The following WWOX variants were observed in gnomAD, a reference collection of about 807,000 sequenced individuals.
The protein encoded by WWOX is WW domain containing oxidoreductase, also known as WW domain-containing oxidoreductase.
Under a neutral mutation model 46.2 loss-of-function variants are expected in WWOX, and 69 were observed. The ratio of observed to expected loss-of-function variants is 1.49; its 90% CI spans 1.23 to 1.82. WWOX has a LOEUF of 1.82. WWOX is among the 40% of genes most tolerant of loss of function. WWOX has a pLI of 0.00. For missense variants in WWOX, 919 were observed against 542.6 expected, an observed-to-expected ratio of 1.69 and a Z score of -6.89; for synonymous variants, 359 against 202.6, an observed-to-expected ratio of 1.77 and a Z score of -6.56.
At chr16:78,450,772 G>A (rs1172550565) in intron 8 of WWOX, among the ~76,000 whole-genome samples, 3 of 152,142 alleles carry the variant, frequency 2.0e-5, no homozygotes, top group African/African-American at 7.2e-5. Flanking sequence ...AGCAAGTAAT[G>A]AAATTACCAT....
intron 8 of WWOX, among the ~76,000 whole-genome samples, chr16:78,600,622 C>A (rs1024469892): frequency 7.7e-4 from 117 of 152,214 alleles, no homozygotes; most frequent in African/African-American, 2.7e-3. Flanking sequence ...GCACAGCTAC[C>A]CTGTGGCATG....
intron 8 of WWOX, among the ~76,000 whole-genome samples, chr16:79,049,218 A>C (rs1008879150): frequency 6.6e-6 from 1 of 152,180 alleles, no homozygotes; most frequent in Non-Finnish European, 1.5e-5. Flanking sequence ...TTACATAATG[A>C]GTGGCTGTGG....
intron 8 of WWOX, among the ~76,000 whole-genome samples, chr16:78,710,338 T>C (rs561629477): frequency 2.6e-5 from 4 of 151,488 alleles, no homozygotes; most frequent in African/African-American, 7.3e-5. Context: ...CAGCTGCTTC[T>C]AGCCGCTCCA....
intron 8 of WWOX, among the ~76,000 whole-genome samples, chr16:78,678,785 T>C (rs1567484519): frequency 6.6e-6 from 1 of 152,132 alleles, no homozygotes; most frequent in Non-Finnish European, 1.5e-5. Flanking sequence ...GTGCGTGGCC[T>C]GGGGTTAAGT....
intron 8 of WWOX, among the ~76,000 whole-genome samples, chr16:78,762,311 G>C (rs895991839): frequency 6.6e-6 from 1 of 152,176 alleles, no homozygotes; most frequent in African/African-American, 2.4e-5. Context: ...AGCATCTGCT[G>C]AGAGCTTGCT....
intron 8 of WWOX, among the ~76,000 whole-genome samples, chr16:78,888,635 G>A (rs1213375362): frequency 1.3e-5 from 2 of 152,106 alleles, no homozygotes; most frequent in Admixed American, 1.3e-4. Flanking sequence ...GACCGAGCCA[G>A]AACTTATTTT....
intron 8 of WWOX, among the ~76,000 whole-genome samples, chr16:78,458,397 A>T (rs950664376): frequency 6.6e-6 from 1 of 151,612 alleles, no homozygotes; most frequent in Non-Finnish European, 1.5e-5. Context: ...AGTAGCTGGG[A>T]CTATTGGCAA....
intron 7 of WWOX, among the ~76,000 whole-genome samples, chr16:78,426,919 C>T (rs2083092864): frequency 6.6e-6 from 1 of 152,206 alleles, no homozygotes; most frequent in Non-Finnish European, 1.5e-5. Context: ...GCCTTGGCTT[C>T]TCACAGTGCT....
At chr16:78,656,571 G>C (rs149778967) in intron 8 of WWOX, among the ~76,000 whole-genome samples, 1 of 152,180 alleles carries the variant, frequency 6.6e-6, no homozygotes, top group Non-Finnish European at 1.5e-5. Flanking sequence ...ACCAGATCTG[G>C]TGAGAACTCA....
chr16:78,300,819 A>G (rs2080026906), intron 5 of WWOX, among the ~76,000 whole-genome samples: 1 of 152,140 alleles, frequency 6.6e-6, no homozygotes, highest in Admixed American at 6.6e-5. Context: ...CCTTTATACC[A>G]GCATATAACT....
intron 8 of WWOX, among the ~76,000 whole-genome samples, chr16:78,954,247 T>A (rs1405736759): frequency 6.6e-6 from 1 of 151,946 alleles, no homozygotes; most frequent in African/African-American, 2.4e-5. Context: ...ATTGGATGGA[T>A]GATGGTTGAG....
intron 5 of WWOX, among the ~76,000 whole-genome samples, chr16:78,220,585 C>T (rs1024715091): frequency 6.6e-6 from 1 of 152,076 alleles, no homozygotes; most frequent in East Asian, 1.9e-4. Context: ...TGGGTATTAA[C>T]CTTTAACATA....
intron 5 of WWOX, among the ~76,000 whole-genome samples, chr16:78,363,182 C>T (rs75182427): frequency 0.018 from 2,709 of 151,940 alleles, 70 homozygotes; most frequent in East Asian, 0.059. Context: ...GTGTGTTCAC[C>T]GTGCTGTGTG....
intron 5 of WWOX, chr16:78,166,628 G>C (rs2034984176): frequency 6.6e-6 from 1 of 150,932 alleles, no homozygotes; most frequent in South Asian, 2.1e-4. Flanking sequence ...GCACAATCTC[G>C]ACTCACTGCA....
chr16:79,111,894 G>A (rs2049423928), intron 8 of WWOX, among the ~76,000 whole-genome samples: 1 of 152,138 alleles, frequency 6.6e-6, no homozygotes, highest in Admixed American at 6.5e-5. Flanking sequence ...CTCAAGCTTT[G>A]AGGGTAATAA....
intron 8 of WWOX, among the ~76,000 whole-genome samples, chr16:78,940,172 C>T (rs754784598): frequency 4.6e-5 from 7 of 152,074 alleles, no homozygotes; most frequent in Non-Finnish European, 8.8e-5. Flanking sequence ...TATGCAGATT[C>T]TTAAAGCATG....
chr16:79,007,331 A>G (rs181782786), intron 8 of WWOX, among the ~76,000 whole-genome samples: 6 of 152,346 alleles, frequency 3.9e-5, no homozygotes, highest in Admixed American at 3.3e-4. Context: ...AAACATGAGG[A>G]AAGGGCTCAT....
At chr16:78,815,361 A>G (rs1461902696) in intron 8 of WWOX, among the ~76,000 whole-genome samples, 1 of 151,972 alleles carries the variant, frequency 6.6e-6, no homozygotes, top group Non-Finnish European at 1.5e-5. Context: ...CATACATTTT[A>G]GCTGACAAGG....
chr16:79,006,839 C>T (rs542317603), intron 8 of WWOX, among the ~76,000 whole-genome samples: 2 of 152,302 alleles, frequency 1.3e-5, no homozygotes, highest in South Asian at 4.1e-4. Context: ...ATGCTGGCAT[C>T]CTTCTGGCTC....
Sources: allele counts gnomAD v4.1 joint callset (sites outside exome capture counted in the v4.1 genomes callset), GRCh38; gene constraint gnomAD v4.1.1; transcripts MANE v1.5; gene names NCBI Gene and HGNC (gene_info 2026-07-23, HGNC 2026-07-21).